The following LRP1B variants were observed in gnomAD, a reference collection of about 807,000 sequenced individuals.
LRP1B encodes the protein low-density lipoprotein receptor-related protein 1B.
A neutral mutation model predicts 556.6 loss-of-function variants in LRP1B; 217 were observed. The ratio of observed to expected loss-of-function variants is 0.39; its 90% confidence interval spans 0.35 to 0.44. LRP1B has a LOEUF of 0.44. LRP1B is among the 20% of genes least tolerant of loss of function. The pLI, the probability that LRP1B is intolerant of heterozygous loss-of-function variation, is 1.00. For missense variants in LRP1B, 5,053 were observed against 5,620.8 expected (o/e 0.90, Z 3.23); for synonymous variants, 2,047 against 1,865.8 (o/e 1.10, Z -2.50).
At chr2:140,440,527 T>A (rs909844620) in intron 66 of LRP1B, among the ~76,000 whole-genome samples, 1 of 152,194 alleles carries the variant, frequency 6.6e-6, no homozygotes, top group Non-Finnish European at 1.5e-5. Flanking sequence ...CAGGGAGTTT[T>A]AAAATAATTA....
At chr2:140,497,980 T>A (rs1689021933) in intron 55 of LRP1B, among the ~76,000 whole-genome samples, 1 of 151,886 alleles carries the variant, frequency 6.6e-6, no homozygotes, top group South Asian at 2.1e-4. Context: ...TCTCAATCTG[T>A]TAATCTATTT....
At chr2:141,795,262 T>C (rs557858149) in intron 2 of LRP1B, among the ~76,000 whole-genome samples, 1 of 151,926 alleles carries the variant, frequency 6.6e-6, no homozygotes, top group Non-Finnish European at 1.5e-5. Flanking sequence ...CCATTTATAC[T>C]TTTTTTTATG....
intron 2 of LRP1B, among the ~76,000 whole-genome samples, chr2:141,676,390 A>T (rs1690882542): frequency 6.6e-6 from 1 of 152,186 alleles, no homozygotes. Flanking sequence ...AATCAATTCC[A>T]AACCCTTGTC....
intron 2 of LRP1B, among the ~76,000 whole-genome samples, chr2:141,657,813 C>T (rs1321116594): frequency 7.2e-5 from 11 of 152,042 alleles, no homozygotes; most frequent in Non-Finnish European, 1.5e-5. Flanking sequence ...CTATGTATTG[C>T]CTTTCTGAAA....
At chr2:140,565,744 A>C (rs936285552) in intron 43 of LRP1B, among the ~76,000 whole-genome samples, 1 of 152,232 alleles carries the variant, frequency 6.6e-6, no homozygotes, top group Non-Finnish European at 1.5e-5. Context: ...CCTAGTGAGC[A>C]GAAAAGCTCA....
chr2:140,920,967 T>G (rs1004437042), intron 21 of LRP1B, among the ~76,000 whole-genome samples: 7 of 152,032 alleles, frequency 4.6e-5, no homozygotes, highest in Non-Finnish European at 1.0e-4. Flanking sequence ...TACTTCAGAT[T>G]TATTTTGATG....
chr2:141,396,972 G>A (rs557014185), intron 3 of LRP1B, among the ~76,000 whole-genome samples: 2 of 151,878 alleles, frequency 1.3e-5, no homozygotes, highest in South Asian at 4.2e-4. Context: ...AATTAGCCAG[G>A]TGTGGTGACG....
At chr2:141,345,719 G>T (rs1325148358) in intron 3 of LRP1B, among the ~76,000 whole-genome samples, 2 of 148,202 alleles carry the variant, frequency 1.3e-5, no homozygotes, top group African/African-American at 2.5e-5. Context: ...TGCCCAGGCT[G>T]GTCTTGAACC....
chr2:141,732,607 C>T (rs992579764), intron 2 of LRP1B, among the ~76,000 whole-genome samples: 3 of 151,830 alleles, frequency 2.0e-5, no homozygotes, highest in Admixed American at 6.6e-5. Context: ...GCAGTCGATC[C>T]GCAGAAATAT....
intron 2 of LRP1B, among the ~76,000 whole-genome samples, chr2:141,808,781 C>A (rs1696244359): frequency 6.6e-6 from 1 of 152,098 alleles, no homozygotes; most frequent in Non-Finnish European, 1.5e-5. Context: ...GGCAACCCCT[C>A]TCCCACTTTC....
chr2:141,045,969 C>A (rs1401346851), intron 11 of LRP1B, among the ~76,000 whole-genome samples: 1 of 152,016 alleles, frequency 6.6e-6, no homozygotes, highest in East Asian at 1.9e-4. Context: ...TAACAATGGA[C>A]AATTTCCTTT....
intron 18 of LRP1B, among the ~76,000 whole-genome samples, chr2:140,970,191 G>A (rs576219768): frequency 6.6e-6 from 1 of 152,248 alleles, no homozygotes; most frequent in Admixed American, 6.5e-5. Flanking sequence ...TTTTCACACA[G>A]TCCCATATTT....
At chr2:141,948,485 C>T (rs898246556) in intron 1 of LRP1B, among the ~76,000 whole-genome samples, 1 of 151,888 alleles carries the variant, frequency 6.6e-6, no homozygotes, top group Admixed American at 6.6e-5. Context: ...GAAAGACATT[C>T]TGAGTTTCAA....
chr2:140,580,826 C>T (rs1008417148), intron 43 of LRP1B, among the ~76,000 whole-genome samples: 1 of 151,886 alleles, frequency 6.6e-6, no homozygotes, highest in Non-Finnish European at 1.5e-5. Context: ...GCTATTACTT[C>T]AACAGTCTAT....
intron 3 of LRP1B, among the ~76,000 whole-genome samples, chr2:141,451,946 C>T (rs1681437154): frequency 6.6e-6 from 1 of 152,092 alleles, no homozygotes; most frequent in South Asian, 2.1e-4. Context: ...GATATGTTAA[C>T]CAAGCTAAAT....
intron 1 of LRP1B, among the ~76,000 whole-genome samples, chr2:141,822,367 C>A (rs1385041429): frequency 6.6e-6 from 1 of 152,070 alleles, no homozygotes; most frequent in Non-Finnish European, 1.5e-5. Flanking sequence ...AATGAATCAG[C>A]AAAAGTTATT....
intron 32 of LRP1B, among the ~76,000 whole-genome samples, chr2:140,809,745 C>T (rs939462347): frequency 1.3e-5 from 2 of 152,132 alleles, no homozygotes; most frequent in African/African-American, 4.8e-5. Context: ...GTGGGTGGTT[C>T]TGGTTTGGAG....
intron 71 of LRP1B, among the ~76,000 whole-genome samples, chr2:140,366,564 T>C (rs777166826): frequency 4.6e-5 from 7 of 151,562 alleles, no homozygotes; most frequent in Non-Finnish European, 8.9e-5. Flanking sequence ...ACAGATTGGG[T>C]AGGTAAAGAC....
At chr2:141,690,499 T>A (rs1015920344) in intron 2 of LRP1B, among the ~76,000 whole-genome samples, 3 of 145,830 alleles carry the variant, frequency 2.1e-5, no homozygotes, top group African/African-American at 5.0e-5. Flanking sequence ...AATTAGTTTG[T>A]ATTTCAGTTT....
Sources: allele counts gnomAD v4.1 joint callset (sites outside exome capture counted in the v4.1 genomes callset), GRCh38; gene constraint gnomAD v4.1.1; transcripts MANE v1.5; gene names NCBI Gene and HGNC (gene_info 2026-07-23, HGNC 2026-07-21).